Variants in GLI3 observed in about 807,000 individuals in gnomAD.
The protein encoded by GLI3 is GLI family zinc finger 3, also known as transcription activator GLI3.
Under a neutral mutation model 100.8 loss-of-function variants are expected in GLI3, and 20 were observed. The ratio of observed to expected loss-of-function variants is 0.20; its 90% CI spans 0.14 to 0.29. The LOEUF is 0.29. GLI3 is among the 10% of genes least tolerant of loss of function. The pLI is 1.00. For missense variants in GLI3, 2,040 were observed against 2,128.5 expected (o/e 0.96, Z 0.82); for synonymous variants, 938 against 860.5 (o/e 1.09, Z -1.58).
intron 3 of GLI3, among the ~76,000 whole-genome samples, chr7:42,121,370 AC>A (rs1785993950): frequency 6.6e-6 from 1 of 152,176 alleles, no homozygotes; most frequent in African/African-American, 2.4e-5. Context: ...GTGTCCTGGG[AC>A]CACATGTTGA....
intron 2 of GLI3, among the ~76,000 whole-genome samples, chr7:42,206,406 G>A (rs1425255334): frequency 6.6e-6 from 1 of 151,928 alleles, no homozygotes; most frequent in Non-Finnish European, 1.5e-5. Context: ...TTAATATTTT[G>A]TTACATTTGC....
chr7:42,118,752 C>T (rs895082871), intron 3 of GLI3, among the ~76,000 whole-genome samples: 1 of 152,174 alleles, frequency 6.6e-6, no homozygotes, highest in Admixed American at 6.5e-5. Flanking sequence ...TAAGTTCTCA[C>T]CAGCTTAACT....
intron 4 of GLI3, among the ~76,000 whole-genome samples, chr7:42,053,109 T>C (rs774964554): frequency 5.9e-5 from 9 of 152,094 alleles, no homozygotes; most frequent in Non-Finnish European, 5.9e-5. Flanking sequence ...GATTCTCCTG[T>C]CTCAGCCTCC....
intron 2 of GLI3, among the ~76,000 whole-genome samples, chr7:42,205,873 TAACCTTGTGAGA>T (rs1788140485): frequency 2.0e-5 from 3 of 151,770 alleles, no homozygotes; most frequent in Admixed American, 6.6e-5. Flanking sequence ...GGGAAGAGAG[TAACCTTGTGAGA>T]ATGCCACAGA....
intron 10 of GLI3, among the ~76,000 whole-genome samples, chr7:41,995,355 G>C (rs1192886861): frequency 6.6e-6 from 1 of 152,084 alleles, no homozygotes; most frequent in Non-Finnish European, 1.5e-5. Flanking sequence ...GCAGGAACCT[G>C]GTGTGTAGGC....
chr7:41,996,941 T>G (rs1445030196), intron 10 of GLI3, among the ~76,000 whole-genome samples: 3 of 152,204 alleles, frequency 2.0e-5, no homozygotes, highest in African/African-American at 7.2e-5. Flanking sequence ...GCTCTGTGAA[T>G]GCAGTGTTTT....
At chr7:42,253,922 T>A (rs1042108797) in intron 1 of GLI3, among the ~76,000 whole-genome samples, 7 of 152,168 alleles carry the variant, frequency 4.6e-5, no homozygotes, top group African/African-American at 1.7e-4. Flanking sequence ...AATGTAGTTG[T>A]TATTTAAAAG....
intron 3 of GLI3, among the ~76,000 whole-genome samples, chr7:42,094,942 A>C (rs544852328): frequency 4.7e-4 from 71 of 152,220 alleles, no homozygotes; most frequent in Admixed American, 1.4e-3. Flanking sequence ...AAGACCGCAC[A>C]TGAGGGAGCA....
Position 41,965,540 on chromosome 7 carries a change from T to C in GLI3, c.3533A>G (p.Lys1178Arg). The change falls in exon 15 of 15, where the codon AAG becomes AGG. Residue 1178 changes from lysine to arginine, a missense_variant. Transcript: ENST00000395925. ...GSADLSSSKL[K>R]CGPRPAVPQT... ...CGGCACAGCGGGCCGCGGCCCACACTTGAGCTTGGAGGAGGACAGGTCGGC... is the reference window on the plus strand; with the variant it reads ...CGGCACAGCGGGCCGCGGCCCACACCTGAGCTTGGAGGAGGACAGGTCGGC... The C allele has an allele frequency of 6.2e-7, 1 of 1,605,718 alleles. No homozygotes were observed. The highest frequency in any genetic ancestry group is 8.5e-7 in the Non-Finnish European group (1 of 1,173,376).
chr7:42,262,431 T>C (rs560406456), intron 1 of GLI3, among the ~76,000 whole-genome samples: 21 of 152,206 alleles, frequency 1.4e-4, no homozygotes, highest in Admixed American at 1.2e-3. Flanking sequence ...AGCTAATTTT[T>C]TTAAATTTTG....
chr7:42,236,623 C>G (rs1020442956), intron 1 of GLI3, among the ~76,000 whole-genome samples: 19 of 152,304 alleles, frequency 1.2e-4, no homozygotes, highest in Non-Finnish European at 2.6e-4. Context: ...CAGGCGCGTG[C>G]GGGGCTCGCG....
chr7:42,220,385 G>A (rs931035732), intron 2 of GLI3, among the ~76,000 whole-genome samples: 4 of 152,168 alleles, frequency 2.6e-5, no homozygotes, highest in Non-Finnish European at 4.4e-5. Flanking sequence ...ACAGATGGAT[G>A]GACAGAAGGA....
At chr7:42,104,617 A>C (rs1358318598) in intron 3 of GLI3, among the ~76,000 whole-genome samples, 1 of 152,228 alleles carries the variant, frequency 6.6e-6, no homozygotes, top group African/African-American at 2.4e-5. Context: ...AAAAGGTTTA[A>C]AGATGGATTG....
intron 3 of GLI3, among the ~76,000 whole-genome samples, chr7:42,135,937 C>G (rs1385748383): frequency 1.3e-5 from 2 of 152,112 alleles, no homozygotes; most frequent in Non-Finnish European, 2.9e-5. Flanking sequence ...TATTTATAAA[C>G]AAAGGGGATA....
intron 6 of GLI3, among the ~76,000 whole-genome samples, chr7:42,040,515 C>T (rs1043142275): frequency 1.1e-4 from 16 of 152,254 alleles, no homozygotes; most frequent in Admixed American, 4.6e-4. Flanking sequence ...TATGTGTTAT[C>T]CCTTTCATTT....
chr7:42,082,614 T>A (rs1785020242), intron 3 of GLI3, among the ~76,000 whole-genome samples: 1 of 152,162 alleles, frequency 6.6e-6, no homozygotes, highest in African/African-American at 2.4e-5. Flanking sequence ...ATCTTTTTTC[T>A]GGTCTCACAA....
intron 1 of GLI3, among the ~76,000 whole-genome samples, chr7:42,244,981 G>A (rs751028420): frequency 3.3e-5 from 5 of 152,202 alleles, no homozygotes; most frequent in Non-Finnish European, 7.3e-5. Context: ...ATTGTACCAT[G>A]TTCTGGAGCA....
In GLI3 at chr7:42,048,414, T is replaced by C. The variant is rs530536144; in HGVS notation, c.679+77A>G. The C allele has an allele frequency of 6.2e-6, 6 of 962,058 alleles. No homozygotes were observed. In the East Asian group the frequency reaches 1.4e-4, roughly 23 times the overall value. The allele number at this position is 962,058 out of a possible 1,614,324, so 59.6% of individuals were successfully genotyped here. Reference sequence around the variant, plus strand: ...GGAAACACTCACTAAACATCAGGTCTACTTTATACACGTCCCGAGTGAGGA... The same window carrying C: ...GGAAACACTCACTAAACATCAGGTCCACTTTATACACGTCCCGAGTGAGGA... On this transcript the variant is annotated intron_variant, in intron 5 of 14. Transcript: ENST00000395925.
chr7:42,004,876 A>G (rs543886241), intron 10 of GLI3, among the ~76,000 whole-genome samples: 15 of 152,330 alleles, frequency 9.8e-5, no homozygotes, highest in Admixed American at 2.0e-4. Context: ...TTTAGTTCAA[A>G]TCATTCTAAA....
Sources: allele counts gnomAD v4.1 joint callset (sites outside exome capture counted in the v4.1 genomes callset), GRCh38; gene constraint gnomAD v4.1.1; transcripts MANE v1.5; gene names NCBI Gene and HGNC (gene_info 2026-07-23, HGNC 2026-07-21).